EVC: variants seen among roughly 807,000 people sequenced by gnomAD.
The protein encoded by EVC is evC complex member EVC.
Under a neutral mutation model 118.9 loss-of-function variants are expected in EVC, and 116 were observed. The observed-to-expected ratio is 0.98, with a 90% CI of 0.84 to 1.14. The LOEUF is 1.14. EVC is among the 50% of genes most tolerant of loss of function. The probability of loss-of-function intolerance (pLI) is 0.00; values close to 1 mark genes in which losing one functional copy is unlikely to be tolerated. For missense variants in EVC, 1,401 were observed against 1,246.4 expected, an observed-to-expected ratio of 1.12 and a Z score of -1.87; for synonymous variants, 619 against 534.7, an observed-to-expected ratio of 1.16 and a Z score of -2.18.
chr4:5,772,127 A>C (rs879694929), intron 11 of EVC, among the ~76,000 whole-genome samples: 2 of 152,018 alleles, frequency 1.3e-5, no homozygotes, highest in Admixed American at 1.3e-4. Flanking sequence ...CAATCTCCTG[A>C]CTTCGCGATC....
rs1717185393 is a variant in EVC, at chr4:5,813,173, AG to A, written c.*2137del. 6.6e-6 allele frequency: 1 copy of A among 152,150 alleles called. No homozygotes were observed. Among genetic ancestry groups the A allele is most frequent in the African/African-American group, 2.4e-5 (1 of 41,424 alleles). The allele number at this position is 152,150 out of a possible 1,614,324, so 9.4% of individuals were successfully genotyped here. On this transcript the variant is annotated 3_prime_UTR_variant, in exon 21 of 21. Transcript: ENST00000264956. ...ACTAAAAAACTTGGTTATTCCATGG[AG>A]TTGTGCAAAGCTATGGCTTCCTTGG...
At chr4:5,810,157 G>A (rs993360888) in intron 19 of EVC, among the ~76,000 whole-genome samples, 182 bp from the exon 20 acceptor site, 1 of 152,186 alleles carries the variant, frequency 6.6e-6, no homozygotes, top group African/African-American at 2.4e-5. Context: ...GGGAGAGTAC[G>A]TCACCTTCCC....
chr4:5,711,804 A>G (rs1723076966), intron 1 of EVC, among the ~76,000 whole-genome samples: 1 of 152,148 alleles, frequency 6.6e-6, no homozygotes, highest in African/African-American at 2.4e-5. Flanking sequence ...ACAGCAGCCC[A>G]ACTGCGCCAC....
At chr4:5,753,149 C>T (rs1008589991) in intron 9 of EVC, 97 bp downstream of exon 9, 19 of 1,207,198 alleles carry the variant, frequency 1.6e-5, no homozygotes, top group Admixed American at 5.9e-5. Flanking sequence ...GCAGTGTGCC[C>T]ATGATGCCGG....
chr4:5,787,731 G>T (rs536437328), intron 12 of EVC, among the ~76,000 whole-genome samples: 1 of 152,180 alleles, frequency 6.6e-6, no homozygotes, highest in South Asian at 2.1e-4. Flanking sequence ...GTGGCAGTTG[G>T]TGCACTCCTT....
rs1729860722 is a variant in EVC, at chr4:5,748,737, A to ATCCACCC, written c.1098+431_1098+432insTCCACCC. ...CCACCCACCCACCCATCCACCCATC[A>ATCCACCC]ATCCACCCATCCATCCATTTACTCA... On this transcript the variant is annotated intron_variant, in intron 8 of 20. Transcript: ENST00000264956. Among the ~76,000 whole-genome samples, 13 of 104,112 alleles carry ATCCACCC rather than the reference A, an allele frequency of 1.2e-4. 1 individual carries two copies. Among genetic ancestry groups the ATCCACCC allele is most frequent in the Admixed American group, 2.1e-4 (2 of 9,754 alleles). 68.3% of individuals were successfully genotyped at this position (104,112 alleles called of 152,430 possible).
chr4:5,726,985 G>T (rs1725958736), intron 2 of EVC, among the ~76,000 whole-genome samples: 1 of 151,940 alleles, frequency 6.6e-6, no homozygotes, highest in Non-Finnish European at 1.5e-5. Context: ...TGGACATTTG[G>T]GTTGGTTCCA....
intron 5 of EVC, among the ~76,000 whole-genome samples, chr4:5,741,469 T>C (rs531529385): frequency 3.3e-5 from 5 of 152,334 alleles, no homozygotes; most frequent in Non-Finnish European, 4.4e-5. Context: ...GTTGAATACA[T>C]GCATGAGGAA....
rs778342193 is a variant in EVC, at chr4:5,798,719, T to C, written c.2231T>C (p.Ile744Thr). 1.4e-5 allele frequency: 22 copies of C among 1,610,780 alleles called. No individual in the cohort carries two copies. The South Asian group carries it at 1.5e-4, about 11-fold the overall frequency. ...QLLQQHMECA[I>T]GQALLVHARN... ...CTGCAGCAGCACATGGAGTGCGCCA[T>C]TGGGCAGGCGCTGCTGGTGCATGCA... Residue 744 changes from isoleucine to threonine, a missense_variant, in exon 15 of 21, where the codon ATT becomes ACT. Coordinates refer to ENST00000264956, the MANE Select transcript of EVC (RefSeq NM_153717.3). The surrounding 1 kb of genome is among the most constrained non-coding windows in gnomAD (Gnocchi z 4.1).
At chr4:5,775,275 G>C (rs1734552816) in intron 11 of EVC, among the ~76,000 whole-genome samples, 2 of 152,068 alleles carry the variant, frequency 1.3e-5, no homozygotes, top group South Asian at 4.1e-4. Context: ...AATAAATAAA[G>C]CATAATCTTA....
At chr4:5,748,614 A>T in intron 8 of EVC, among the ~76,000 whole-genome samples, 1 of 128,254 alleles carries the variant, frequency 7.8e-6, no homozygotes, top group African/African-American at 3.0e-5. Context: ...CCATCCATCC[A>T]CCCACCCATC....
At chr4:5,772,695 C>T (rs1734166178) in intron 11 of EVC, among the ~76,000 whole-genome samples, 1 of 152,100 alleles carries the variant, frequency 6.6e-6, no homozygotes, top group African/African-American at 2.4e-5. Context: ...TCCACCTGTC[C>T]AGCCTGGCCC....
At chr4:5,814,838 C>T (rs901197494), downstream of EVC, among the ~76,000 whole-genome samples, 2 of 152,088 alleles carry the variant, frequency 1.3e-5, no homozygotes, top group Non-Finnish European at 2.9e-5. Flanking sequence ...CTCCAGAGAT[C>T]CCCCTCTGCC....
intron 2 of EVC, among the ~76,000 whole-genome samples, chr4:5,725,186 A>C (rs886105922): frequency 6.6e-6 from 1 of 152,152 alleles, no homozygotes; most frequent in Admixed American, 6.6e-5. Flanking sequence ...ATGAACATAC[A>C]CATGCATGTA....
At chr4:5,815,622 G>A (rs1717549780), downstream of EVC, among the ~76,000 whole-genome samples, 1 of 152,338 alleles carries the variant, frequency 6.6e-6, no homozygotes, top group South Asian at 2.1e-4. Flanking sequence ...GAGAGGGAGA[G>A]GGGCCAGGGA....
chr4:5,734,367 A>G (rs528754578), intron 5 of EVC, among the ~76,000 whole-genome samples: 3 of 152,290 alleles, frequency 2.0e-5, no homozygotes, highest in Admixed American at 2.0e-4. Flanking sequence ...GAGGCCAGGC[A>G]TGGTGGCTCA....
chr4:5,802,941 A>G (rs181212035), intron 16 of EVC, among the ~76,000 whole-genome samples: 53 of 152,248 alleles, frequency 3.5e-4, no homozygotes, highest in East Asian at 2.5e-3. Context: ...TAGACGTTCA[A>G]TGATTTCGTC....
At chr4:5,713,032 C>T (rs1432509109) in intron 1 of EVC, among the ~76,000 whole-genome samples, 1 of 152,152 alleles carries the variant, frequency 6.6e-6, no homozygotes, top group African/African-American at 2.4e-5. Flanking sequence ...GGTTTGAACC[C>T]CAAAGCTAGA....
chr4:5,793,205 A>G (rs1390223864), intron 12 of EVC, among the ~76,000 whole-genome samples: 1 of 152,182 alleles, frequency 6.6e-6, no homozygotes, highest in East Asian at 1.9e-4. Flanking sequence ...CAAAGTACAG[A>G]AGCTGGGACA....
Sources: gnomAD v4.1 joint callset for allele counts (sites outside exome capture counted in the v4.1 genomes callset) on GRCh38, gnomAD v4.1.1 for gene constraint, Gnocchi (gnomAD v3.1) non-coding constraint, MANE v1.5 for transcripts, NCBI Gene and HGNC (gene_info 2026-07-23, HGNC 2026-07-21) for gene names.